Variants in NCOA1 observed in about 807,000 individuals in gnomAD.
NCOA1 encodes nuclear receptor coactivator 1, also known as Hin-2 protein.
Under a neutral mutation model 150.9 loss-of-function variants are expected in NCOA1, and 35 were observed. That is an observed-to-expected ratio of 0.23 (90% CI 0.18 to 0.31). The LOEUF is 0.31. NCOA1 is among the 10% of genes least tolerant of loss of function. The pLI is 1.00. For missense variants in NCOA1, 1,491 were observed against 1,749.3 expected (o/e 0.85, Z 2.63); for synonymous variants, 590 against 630.0 (o/e 0.94, Z 0.95).
chr2:24,655,341 A>G (rs1315598509), intron 4 of NCOA1, among the ~76,000 whole-genome samples: 3 of 152,190 alleles, frequency 2.0e-5, no homozygotes, highest in Non-Finnish European at 2.9e-5. Flanking sequence ...TATATAATCT[A>G]TATGCTTGTA....
intron 4 of NCOA1, among the ~76,000 whole-genome samples, chr2:24,645,375 C>T (rs961455625): frequency 6.7e-5 from 10 of 149,948 alleles, no homozygotes; most frequent in South Asian, 6.4e-4. Flanking sequence ...TGGTGGTGGG[C>T]GCCTGTAGTC....
chr2:24,499,917 A>G (rs1345786918), intron 1 of NCOA1, among the ~76,000 whole-genome samples: 1 of 152,194 alleles, frequency 6.6e-6, no homozygotes, highest in Non-Finnish European at 1.5e-5. Context: ...TCTTTTGCCA[A>G]ACTGGTAGTA....
At chr2:24,614,233 C>A in intron 3 of NCOA1, among the ~76,000 whole-genome samples, 1 of 13,456 alleles carries the variant, frequency 7.4e-5, no homozygotes, top group South Asian at 2.4e-3. Flanking sequence ...TTTTTTTTTG[C>A]TATGGGGTTT....
At chr2:24,515,476 GTCC>G (rs1245798519) in intron 1 of NCOA1, among the ~76,000 whole-genome samples, 2 of 152,142 alleles carry the variant, frequency 1.3e-5, no homozygotes, top group Non-Finnish European at 2.9e-5. Flanking sequence ...GGCTCAAGCA[GTCC>G]TCCTGCCACG....
At chr2:24,539,778 C>T (rs983603294) in intron 1 of NCOA1, among the ~76,000 whole-genome samples, 1 of 152,106 alleles carries the variant, frequency 6.6e-6, no homozygotes, top group African/African-American at 2.4e-5. Context: ...ATAGGAGGTC[C>T]TGTGGGTAAC....
At chr2:24,636,121 A>C (rs1669929633) in intron 3 of NCOA1, among the ~76,000 whole-genome samples, 1 of 152,216 alleles carries the variant, frequency 6.6e-6, no homozygotes, top group Non-Finnish European at 1.5e-5. Flanking sequence ...TATTGATAGT[A>C]AAATACATCA....
At chr2:24,530,561 C>T (rs562902072) in intron 1 of NCOA1, among the ~76,000 whole-genome samples, 1 of 152,310 alleles carries the variant, frequency 6.6e-6, no homozygotes. Context: ...TAGCTACTTC[C>T]CACCAGTTCA....
chr2:24,678,738 G>GT (rs1672031902), intron 7 of NCOA1, among the ~76,000 whole-genome samples: 1 of 152,038 alleles, frequency 6.6e-6, no homozygotes, highest in Non-Finnish European at 1.5e-5. Flanking sequence ...GGGTTGTTTG[G>GT]TTTTTTCTTG....
At position 24,692,826 on chromosome 2, in the gene NCOA1, T is replaced by C. The variant is rs187866718; in HGVS notation, c.713-426T>C. Among the ~76,000 whole-genome samples the C allele has an allele frequency of 5.3e-5, 8 of 152,358 alleles. No homozygotes were observed. The East Asian group carries it at 1.4e-3, about 26-fold the overall frequency. ...CACTATTAGATAAGAATGATTTCAG[T>C]ATTATGCAATATTATGTCAGGTGCT... On this transcript the variant is annotated intron_variant, in intron 9 of 22. Transcript: ENST00000348332.
At chr2:24,765,896 C>CTTTTTTATTTTTTTTT (rs1665036286) in intron 22 of NCOA1, among the ~76,000 whole-genome samples, 1 of 128,036 alleles carries the variant, frequency 7.8e-6, no homozygotes. Context: ...CAATAATACA[C>CTTTTTTATTTTTTTTT]TTTTTTTTTT....
At chr2:24,500,971 G>T (rs12478114) in intron 1 of NCOA1, among the ~76,000 whole-genome samples, 1 of 151,936 alleles carries the variant, frequency 6.6e-6, no homozygotes, top group Non-Finnish European at 1.5e-5. Flanking sequence ...TTTTTTATAT[G>T]TATACTTGAA....
intron 5 of NCOA1, among the ~76,000 whole-genome samples, chr2:24,662,287 C>CCATT (rs1671217909): frequency 6.6e-6 from 1 of 152,210 alleles, no homozygotes; most frequent in Non-Finnish European, 1.5e-5. Flanking sequence ...TACCTCTTCT[C>CCATT]CATTCATTCA....
chr2:24,739,284 C>T (rs1663484881), intron 17 of NCOA1, 148 bp from the exon 18 acceptor site: 5 of 607,652 alleles, frequency 8.2e-6, no homozygotes, highest in African/African-American at 1.9e-5. Flanking sequence ...GAACTACTAG[C>T]CTTTTGGAAA....
chr2:24,734,425 T>C (rs1218248647), intron 17 of NCOA1, among the ~76,000 whole-genome samples: 1 of 152,194 alleles, frequency 6.6e-6, no homozygotes, highest in African/African-American at 2.4e-5. Context: ...TTTAGAAGCA[T>C]CAATACAATC....
chr2:24,590,878 T>C (rs572671379), intron 3 of NCOA1, among the ~76,000 whole-genome samples: 1 of 152,212 alleles, frequency 6.6e-6, no homozygotes, highest in Non-Finnish European at 1.5e-5. Flanking sequence ...ACATACTGTA[T>C]TGTTTATTTG....
At chr2:24,527,139 A>G (rs1457178247) in intron 1 of NCOA1, among the ~76,000 whole-genome samples, 1 of 152,186 alleles carries the variant, frequency 6.6e-6, no homozygotes, top group Non-Finnish European at 1.5e-5. Context: ...CATATCCATC[A>G]TCTCACTGTT....
intron 1 of NCOA1, among the ~76,000 whole-genome samples, chr2:24,534,891 A>C (rs1010195485): frequency 3.9e-5 from 6 of 152,158 alleles, no homozygotes; most frequent in Non-Finnish European, 8.8e-5. Context: ...TTTTAGAATA[A>C]GTGGGATGTG....
At chr2:24,665,345 C>G (rs1284670586) in intron 5 of NCOA1, among the ~76,000 whole-genome samples, 1 of 152,076 alleles carries the variant, frequency 6.6e-6, no homozygotes, top group African/African-American at 2.4e-5. Flanking sequence ...TTATCGTATT[C>G]TCTGCTTAAT....
At chr2:24,540,057 C>T in intron 1 of NCOA1, among the ~76,000 whole-genome samples, 1 of 152,178 alleles carries the variant, frequency 6.6e-6, no homozygotes, top group East Asian at 1.9e-4. Flanking sequence ...TTCTGCTTCT[C>T]CTTCTCTCCC....
Sources: allele counts gnomAD v4.1 joint callset (sites outside exome capture counted in the v4.1 genomes callset), GRCh38; gene constraint gnomAD v4.1.1; transcripts MANE v1.5; gene names NCBI Gene and HGNC (gene_info 2026-07-23, HGNC 2026-07-21).